The following GRIP2 variants were observed in gnomAD, a reference collection of about 807,000 sequenced individuals.
GRIP2 encodes glutamate receptor interacting protein 2, also known as glutamate receptor-interacting protein 2.
Under a neutral mutation model 108.3 loss-of-function variants are expected in GRIP2, and 58 were observed. The ratio of observed to expected loss-of-function variants is 0.54; its 90% CI spans 0.43 to 0.67. The LOEUF is 0.67. Among genes scored for constraint, GRIP2 ranks in the 30% least tolerant of loss-of-function variants. The pLI is 0.00. For missense variants in GRIP2, 1,278 were observed against 1,430.6 expected, an observed-to-expected ratio of 0.89 and a Z score of 1.72; for synonymous variants, 586 against 598.2, an observed-to-expected ratio of 0.98 and a Z score of 0.30.
Position 14,536,061 on chromosome 3 carries a change from G to A in GRIP2, c.40+4208C>T, listed in dbSNP as rs138080763. Among the ~76,000 whole-genome samples, 515 of 152,248 alleles carry A rather than the reference G, an allele frequency of 3.4e-3. 1 individual carries two copies. Among genetic ancestry groups the A allele is most frequent in the Non-Finnish European group, 6.4e-3 (432 of 68,024 alleles). ...CAGCATAGAAAGATCAGATAAGCTC[G>A]GCAGAAGCACGTTTTTCAGGGAGAC... On this transcript the variant is annotated intron_variant, in intron 1 of 23. Transcript: ENST00000621039.
chr3:14,506,308 A>C (rs1693925484), intron 19 of GRIP2, among the ~76,000 whole-genome samples: 1 of 151,920 alleles, frequency 6.6e-6, no homozygotes, highest in Admixed American at 6.5e-5. Flanking sequence ...CAGCCACCAG[A>C]CTCAGACGTC....
the GRIP2 span, among the ~76,000 whole-genome samples, chr3:14,588,704 C>T: frequency 2.0e-3 from 310 of 152,340 alleles, 1 homozygote; most frequent in Non-Finnish European, 3.7e-3. Context: ...GGGTCTCTGG[C>T]AGGAAAGCTT....
the GRIP2 span, among the ~76,000 whole-genome samples, chr3:14,566,650 C>T: frequency 2.6e-5 from 4 of 152,184 alleles, no homozygotes; most frequent in East Asian, 1.9e-4. Flanking sequence ...GTAAGCCATC[C>T]GTGTTGCTCA....
rs370954968 is a variant in GRIP2 at position 14,521,736 on chromosome 3, C to T, written c.618G>A (p.Pro206=). The part of the protein sequence containing the change: ...GDRLLSVDGI[P]LHGASHATAL... The stretch of plus-strand genomic sequence containing the variant: ...CGGTGGCATGGCTGGCCCCGTGCAG[C>T]GGGATTCCATCGACACTGAGCAGCC... The change falls in exon 7 of 24, where the codon CCG becomes CCA. Residue 206 remains proline (P), a synonymous_variant. Transcript: ENST00000621039. The surrounding 1 kb of genome is among the most constrained non-coding windows in gnomAD (Gnocchi z 5.1). The T allele has an allele frequency of 3.5e-5, 56 of 1,609,728 alleles. No homozygotes were observed. In the African/African-American group the frequency reaches 4.3e-4, roughly 12 times the overall value.
Position 14,512,055 on chromosome 3 carries a change from G to C in GRIP2, c.1721-576C>G, listed in dbSNP as rs566382175. Reference sequence around the variant, plus strand: ...GTCGAGGGCGGTAAATGTTCAGTCAGGTGGTCGGGGAAGGCCTTGTCAAGT... The same window carrying C: ...GTCGAGGGCGGTAAATGTTCAGTCACGTGGTCGGGGAAGGCCTTGTCAAGT... On this transcript the variant is annotated intron_variant, in intron 14 of 23. Transcript: ENST00000621039. This position sits in a 1 kb window ranked among gnomAD's most constrained non-coding sequence, Gnocchi z 5.1. Among the ~76,000 whole-genome samples, 1 of 152,234 alleles carries C rather than the reference G, an allele frequency of 6.6e-6. No individual in the cohort carries two copies. The highest frequency in any genetic ancestry group is 1.5e-5 in the Non-Finnish European group (1 of 68,050).
intron 1 of GRIP2, among the ~76,000 whole-genome samples, chr3:14,535,085 A>AG (rs933851369): frequency 1.3e-5 from 2 of 152,022 alleles, no homozygotes; most frequent in Admixed American, 1.3e-4. Context: ...CATGATTTGC[A>AG]GGGACGGTGA....
intron 13 of GRIP2, 141 bp downstream of exon 13, chr3:14,513,524 T>C: frequency 1.7e-6 from 2 of 1,166,254 alleles, no homozygotes; most frequent in Non-Finnish European, 2.4e-6. Context: ...CCCTTCCCAC[T>C]ATAAGCTGCA....
chr3:14,509,019 T>TG (rs1694008089), intron 17 of GRIP2, among the ~76,000 whole-genome samples: 1 of 152,092 alleles, frequency 6.6e-6, no homozygotes, highest in Non-Finnish European at 1.5e-5. Context: ...CTCGAATTGA[T>TG]GAAGACATTG....
chr3:14,575,019 A>G, the GRIP2 span, among the ~76,000 whole-genome samples: 2 of 152,202 alleles, frequency 1.3e-5, no homozygotes, highest in African/African-American at 2.4e-5. Flanking sequence ...GATTTTCAAA[A>G]AAGGTCAGGA....
At chr3:14,585,480 G>A in the GRIP2 span, among the ~76,000 whole-genome samples, 1 of 152,250 alleles carries the variant, frequency 6.6e-6, no homozygotes, top group Non-Finnish European at 1.5e-5. Context: ...GTTCAGAGCA[G>A]ACACAGGCCC....
chr3:14,575,652 C>A, the GRIP2 span, among the ~76,000 whole-genome samples: 2 of 152,264 alleles, frequency 1.3e-5, no homozygotes, highest in East Asian at 3.8e-4. Flanking sequence ...ACTGGAATCC[C>A]ACAGCCGAGG....
At chr3:14,504,312 T>G (rs1398979748) in intron 20 of GRIP2, among the ~76,000 whole-genome samples, 5 of 147,668 alleles carry the variant, frequency 3.4e-5, no homozygotes, top group Non-Finnish European at 6.0e-5. Context: ...CTTGCTTGTT[T>G]TTTTTTTTTT....
chr3:14,565,010 C>A, the GRIP2 span, among the ~76,000 whole-genome samples: 1 of 152,234 alleles, frequency 6.6e-6, no homozygotes, highest in Non-Finnish European at 1.5e-5. Context: ...ACAAGGGGCA[C>A]GGCACAGCCC....
chr3:14,583,812 T>C, the GRIP2 span, among the ~76,000 whole-genome samples: 1 of 152,196 alleles, frequency 6.6e-6, no homozygotes, highest in Non-Finnish European at 1.5e-5. Flanking sequence ...ATAAATTAGC[T>C]GCCTGCCATC....
chr3:14,503,192 C>G (rs1326187463), intron 21 of GRIP2, among the ~76,000 whole-genome samples: 5 of 152,248 alleles, frequency 3.3e-5, no homozygotes, highest in Non-Finnish European at 2.9e-5. Flanking sequence ...AATACCAAAA[C>G]TGCCCCGTGT....
chr3:14,595,322 T>C, the GRIP2 span, among the ~76,000 whole-genome samples: 47,554 of 152,002 alleles, frequency 0.31, 8,548 homozygotes, highest in African/African-American at 0.49. Context: ...GCCCAGCGCC[T>C]GGCTGTTATT....
intron 1 of GRIP2, 89 bp from the exon 2 acceptor site, chr3:14,526,020 G>C (rs1387747880): frequency 8.5e-7 from 1 of 1,173,752 alleles, no homozygotes; most frequent in South Asian, 1.3e-5. Context: ...CCACTCTGTG[G>C]ACGTGGCCTG....
At position 14,555,930 on chromosome 3, in the gene GRIP2, G is replaced by A. The variant is rs527397423; in HGVS notation, c.25C>T (p.Arg9Trp). Residue 9 changes from arginine (R) to tryptophan (W), a missense_variant, in exon 1 of 24, where the codon CGG becomes TGG. By Grantham distance (101) the Arg-to-Trp change is moderately radical. Coordinates refer to the GRIP2 transcript ENST00000637182. ...AGACGCCGCCTCACCACGCCCAGCC[G>A]CCACTTGAGTGACACCGCCAGCATT... The A allele has an allele frequency of 2.8e-5, 11 of 399,596 alleles. No individual in the cohort carries two copies. The South Asian group carries it at 1.3e-3, about 46-fold the overall frequency. 24.8% of individuals were successfully genotyped at this position (399,596 alleles called of 1,614,324 possible). A position where few individuals can be genotyped will look rare whatever the true frequency, so the allele number is the denominator to read the frequency against.
chr3:14,552,742 G>A (rs747148843), intron 1 of GRIP2, among the ~76,000 whole-genome samples: 25 of 151,344 alleles, frequency 1.7e-4, no homozygotes, highest in Non-Finnish European at 3.2e-4. Flanking sequence ...ACAGGCGTGC[G>A]CCACCACACA....
Sources: gnomAD v4.1 joint callset for allele counts (sites outside exome capture counted in the v4.1 genomes callset) on GRCh38, gnomAD v4.1.1 for gene constraint, Gnocchi (gnomAD v3.1) non-coding constraint, MANE v1.5 for transcripts, NCBI Gene and HGNC (gene_info 2026-07-23, HGNC 2026-07-21) for gene names.